Variants in KHDRBS2 observed in about 807,000 individuals in gnomAD.
KHDRBS2 encodes the protein KH domain-containing, RNA-binding, signal transduction-associated protein 2.
Under a neutral mutation model 44.3 loss-of-function variants are expected in KHDRBS2, and 26 were observed. That is an observed-to-expected ratio of 0.59 (90% confidence interval 0.43 to 0.81). The LOEUF (loss-of-function observed/expected upper bound fraction) is 0.81, where lower values mean the gene tolerates loss of function less well. KHDRBS2 is among the 40% of genes least tolerant of loss of function. KHDRBS2 has a pLI of 0.00. For missense variants in KHDRBS2, 476 were observed against 433.1 expected, an observed-to-expected ratio of 1.10 and a Z score of -0.88; for synonymous variants, 194 against 151.1, an observed-to-expected ratio of 1.28 and a Z score of -2.08.
chr6:62,126,658 A>G (rs1173030024), intron 2 of KHDRBS2, among the ~76,000 whole-genome samples: 1 of 152,210 alleles, frequency 6.6e-6, no homozygotes, highest in Non-Finnish European at 1.5e-5. Flanking sequence ...GATTGGGGAA[A>G]AGTAAGGGAA....
chr6:62,034,403 T>C (rs1217392693), intron 3 of KHDRBS2, among the ~76,000 whole-genome samples: 5 of 151,798 alleles, frequency 3.3e-5, no homozygotes, highest in African/African-American at 1.2e-4. Context: ...CTGATGAATA[T>C]TGACACAAAA....
At chr6:62,107,970 A>G (rs1057059508) in intron 2 of KHDRBS2, among the ~76,000 whole-genome samples, 2 of 152,178 alleles carry the variant, frequency 1.3e-5, no homozygotes, top group African/African-American at 2.4e-5. Flanking sequence ...CTTAAACGTT[A>G]GACCTAAAAC....
intron 2 of KHDRBS2, among the ~76,000 whole-genome samples, chr6:62,128,783 TACA>T (rs750602520): frequency 2.6e-5 from 4 of 151,960 alleles, no homozygotes; most frequent in South Asian, 2.1e-4. Context: ...TGTAAACAAT[TACA>T]ACGACACAAT....
intron 6 of KHDRBS2, among the ~76,000 whole-genome samples, chr6:61,850,838 G>C (rs1183716700): frequency 6.6e-6 from 1 of 152,096 alleles, no homozygotes; most frequent in African/African-American, 2.4e-5. Context: ...AGGACAACAC[G>C]AGGCCTTTAG....
rs771921548 is a variant in KHDRBS2, at chr6:62,177,286, C to T, written c.118G>A (p.Gly40Arg). 1 of 1,598,016 alleles carries T rather than the reference C, an allele frequency of 6.3e-7. No homozygotes were observed. The highest frequency in any genetic ancestry group is 8.5e-7 in the Non-Finnish European group (1 of 1,169,660). ...TTCTTTTCTTCGTCTTCCTTTTTTC[C>T]ATCAGAACCTTGAAACTTTTCAATT... is the stretch of plus-strand genomic sequence containing the variant. ...EEIEKFQGSD[G>R]KKEDEEKKYL... The change falls in exon 2 of 9, where the codon GGA becomes AGA. Residue 40 changes from glycine to arginine, a missense_variant. By Grantham distance (125) the Gly-to-Arg change is moderately radical. Transcript: ENST00000281156.
chr6:61,546,330 A>T, the KHDRBS2 span, among the ~76,000 whole-genome samples: 1 of 152,100 alleles, frequency 6.6e-6, no homozygotes, highest in African/African-American at 2.4e-5. Context: ...ACAAAACTTT[A>T]TATAACCACA....
At chr6:61,841,512 C>T (rs1281961247) in intron 6 of KHDRBS2, among the ~76,000 whole-genome samples, 6 of 152,138 alleles carry the variant, frequency 3.9e-5, no homozygotes, top group African/African-American at 1.4e-4. Flanking sequence ...TAAAGTTACT[C>T]TCTGATTTTA....
chr6:61,988,290 A>G (rs1426949617), intron 3 of KHDRBS2, among the ~76,000 whole-genome samples: 6 of 152,226 alleles, frequency 3.9e-5, no homozygotes, highest in Non-Finnish European at 8.8e-5. Context: ...GAATCTACAG[A>G]AAAGTTGATA....
intron 6 of KHDRBS2, among the ~76,000 whole-genome samples, chr6:61,866,491 C>T (rs1313051066): frequency 2.0e-5 from 3 of 152,212 alleles, no homozygotes; most frequent in African/African-American, 7.2e-5. Flanking sequence ...GAAGGGGCTG[C>T]TGTGAAAACC....
intron 4 of KHDRBS2, among the ~76,000 whole-genome samples, chr6:61,935,356 C>A (rs1562471396): frequency 6.6e-6 from 1 of 151,970 alleles, no homozygotes; most frequent in Non-Finnish European, 1.5e-5. Flanking sequence ...AACAACAGGA[C>A]AAGAGAAAGA....
intron 6 of KHDRBS2, among the ~76,000 whole-genome samples, chr6:61,848,346 T>C (rs1414739630): frequency 6.7e-6 from 1 of 148,510 alleles, no homozygotes; most frequent in East Asian, 2.0e-4. Flanking sequence ...GAAAAGTGCT[T>C]ATGTAAGTGA....
At chr6:61,544,606 C>T in the KHDRBS2 span, among the ~76,000 whole-genome samples, 2 of 152,072 alleles carry the variant, frequency 1.3e-5, no homozygotes, top group Non-Finnish European at 1.5e-5. Flanking sequence ...CTTCCTGACT[C>T]TCAGGTGTGG....
chr6:61,937,249 T>C (rs1263602680), intron 4 of KHDRBS2, among the ~76,000 whole-genome samples: 1 of 152,012 alleles, frequency 6.6e-6, no homozygotes, highest in Non-Finnish European at 1.5e-5. Flanking sequence ...AATTTACATT[T>C]GGGTTTTCTG....
At chr6:61,795,759 T>G (rs1171242092) in intron 6 of KHDRBS2, among the ~76,000 whole-genome samples, 1 of 152,160 alleles carries the variant, frequency 6.6e-6, no homozygotes, top group Non-Finnish European at 1.5e-5. Flanking sequence ...GAGTATATAT[T>G]TGAGCAACAG....
intron 3 of KHDRBS2, among the ~76,000 whole-genome samples, chr6:62,033,578 A>G (rs1784731319): frequency 6.6e-6 from 1 of 151,712 alleles, no homozygotes. Flanking sequence ...AGTGCTGAAG[A>G]GAAAACACTT....
intron 3 of KHDRBS2, among the ~76,000 whole-genome samples, chr6:62,020,771 G>A (rs1041361431): frequency 6.6e-6 from 1 of 151,894 alleles, no homozygotes; most frequent in African/African-American, 2.4e-5. Context: ...CCTGTTGATT[G>A]GTGTTATCAA....
At chr6:61,696,178 A>T (rs1464883493) in intron 8 of KHDRBS2, among the ~76,000 whole-genome samples, 1 of 152,032 alleles carries the variant, frequency 6.6e-6, no homozygotes, top group Non-Finnish European at 1.5e-5. Context: ...ATTCAAGACT[A>T]TAAATATTTA....
intron 6 of KHDRBS2, among the ~76,000 whole-genome samples, chr6:61,760,184 A>T (rs1779069299): frequency 6.6e-6 from 1 of 152,200 alleles, no homozygotes; most frequent in Admixed American, 6.5e-5. Flanking sequence ...GGGAAGATAA[A>T]CTCAATAAAT....
At chr6:61,550,849 T>C in the KHDRBS2 span, among the ~76,000 whole-genome samples, 1 of 145,446 alleles carries the variant, frequency 6.9e-6, no homozygotes, top group Non-Finnish European at 1.5e-5. Flanking sequence ...CTCGGCTCAC[T>C]GCAGCCTCCA....
Sources: allele counts gnomAD v4.1 joint callset (sites outside exome capture counted in the v4.1 genomes callset), GRCh38; gene constraint gnomAD v4.1.1; transcripts MANE v1.5; gene names NCBI Gene and HGNC (gene_info 2026-07-23, HGNC 2026-07-21).